LINGO2: variants seen among roughly 807,000 people sequenced by gnomAD.
LINGO2 encodes the protein leucine-rich repeat and immunoglobulin-like domain-containing nogo receptor-interacting protein 2.
LINGO2 carries 14 observed loss-of-function variants against 30.6 expected under a neutral mutation model. The ratio of observed to expected loss-of-function variants is 0.46; its 90% confidence interval spans 0.30 to 0.72. The LOEUF is 0.72. LINGO2 is among the 30% of genes least tolerant of loss of function. The pLI is 0.07. For missense variants in LINGO2, 729 were observed against 751.7 expected, an observed-to-expected ratio of 0.97 and a Z score of 0.35; for synonymous variants, 317 against 288.5, an observed-to-expected ratio of 1.10 and a Z score of -1.00.
the LINGO2 span, among the ~76,000 whole-genome samples, chr9:28,997,357 T>C: frequency 1.3e-5 from 2 of 152,204 alleles, no homozygotes; most frequent in African/African-American, 4.8e-5. Context: ...TTACTTTGTG[T>C]CAACCACTGG....
chr9:29,175,774 C>T, the LINGO2 span, among the ~76,000 whole-genome samples: 2 of 152,026 alleles, frequency 1.3e-5, no homozygotes, highest in Non-Finnish European at 2.9e-5. Flanking sequence ...ATCCACCCAC[C>T]TCAGCCTCCC....
the LINGO2 span, among the ~76,000 whole-genome samples, chr9:28,942,748 G>GT: frequency 6.6e-6 from 1 of 152,070 alleles, no homozygotes; most frequent in African/African-American, 2.4e-5. Flanking sequence ...TTCTGTTTTT[G>GT]TTTTTGTATT....
chr9:28,291,797 C>T (rs1823740237), intron 4 of LINGO2, among the ~76,000 whole-genome samples: 1 of 151,990 alleles, frequency 6.6e-6, no homozygotes, highest in Admixed American at 6.6e-5. Flanking sequence ...AAAATGATGG[C>T]AGAATTTCCA....
At chr9:28,099,187 C>T (rs1179724368) in intron 4 of LINGO2, among the ~76,000 whole-genome samples, 7 of 151,982 alleles carry the variant, frequency 4.6e-5, no homozygotes, top group African/African-American at 1.7e-4. Flanking sequence ...TGGTATCTTT[C>T]ATCTGTACCT....
At chr9:28,250,933 G>A (rs1436369395) in intron 4 of LINGO2, among the ~76,000 whole-genome samples, 1 of 151,868 alleles carries the variant, frequency 6.6e-6, no homozygotes, top group Non-Finnish European at 1.5e-5. Context: ...CACCCCAGCA[G>A]TCACAAGACG....
intron 3 of LINGO2, among the ~76,000 whole-genome samples, chr9:28,368,227 C>A (rs117564153): frequency 6.6e-6 from 1 of 152,008 alleles, no homozygotes; most frequent in South Asian, 2.1e-4. Flanking sequence ...CAATTCTCCC[C>A]TCTGTTTATA....
At chr9:28,358,276 G>A (rs1820308870) in intron 3 of LINGO2, among the ~76,000 whole-genome samples, 1 of 152,064 alleles carries the variant, frequency 6.6e-6, no homozygotes, top group Non-Finnish European at 1.5e-5. Context: ...AGCCCACGAA[G>A]TTAAGTTACA....
At chr9:28,953,743 GA>G in the LINGO2 span, among the ~76,000 whole-genome samples, 5 of 151,972 alleles carry the variant, frequency 3.3e-5, no homozygotes, top group Non-Finnish European at 7.4e-5. Flanking sequence ...AGTTATTGTA[GA>G]ATACTTCTTT....
chr9:28,744,609 C>CGTGTGTGTGTGTGTGT, the LINGO2 span, among the ~76,000 whole-genome samples: 2,340 of 133,940 alleles, frequency 0.017, 55 homozygotes, highest in African/African-American at 0.033. Flanking sequence ...ATATTCCCCT[C>CGTGTGTGTGTGTGTGT]GTGTGTGTGT....
chr9:28,013,359 G>C (rs937341440), intron 4 of LINGO2, among the ~76,000 whole-genome samples: 2 of 152,156 alleles, frequency 1.3e-5, no homozygotes, highest in Non-Finnish European at 2.9e-5. Context: ...AATAGGAATA[G>C]TGTGAGAAAG....
At chr9:29,146,595 T>G in the LINGO2 span, among the ~76,000 whole-genome samples, 2 of 152,204 alleles carry the variant, frequency 1.3e-5, no homozygotes, top group Non-Finnish European at 2.9e-5. Context: ...AAGAAACTAC[T>G]GAGTTTTTAA....
chr9:28,651,107 C>T (rs1828082797), intron 1 of LINGO2, among the ~76,000 whole-genome samples: 1 of 151,566 alleles, frequency 6.6e-6, no homozygotes, highest in African/African-American at 2.4e-5. Flanking sequence ...TGGCATGAAC[C>T]CGGAGGCAGA....
intron 4 of LINGO2, among the ~76,000 whole-genome samples, chr9:28,197,907 G>GT (rs1410326540): frequency 1.3e-5 from 2 of 151,910 alleles, no homozygotes; most frequent in Non-Finnish European, 2.9e-5. Flanking sequence ...TAAGAGAAAT[G>GT]TAAGTTACAA....
chr9:28,712,344 TGCTG>T, the LINGO2 span, among the ~76,000 whole-genome samples: 1 of 152,088 alleles, frequency 6.6e-6, no homozygotes, highest in Non-Finnish European at 1.5e-5. Flanking sequence ...AAACAGCATA[TGCTG>T]AAGTTTCACC....
At chr9:28,506,587 G>C (rs1820149094) in intron 1 of LINGO2, among the ~76,000 whole-genome samples, 1 of 130,662 alleles carries the variant, frequency 7.7e-6, no homozygotes, top group African/African-American at 2.8e-5. Flanking sequence ...TAATCATCAT[G>C]ATCTACTTCT....
At chr9:28,151,184 C>G (rs1328172184) in intron 4 of LINGO2, among the ~76,000 whole-genome samples, 1 of 151,994 alleles carries the variant, frequency 6.6e-6, no homozygotes, top group East Asian at 1.9e-4. Flanking sequence ...CATATTATGA[C>G]CAAGAGTGGT....
At chr9:28,842,344 A>G in the LINGO2 span, among the ~76,000 whole-genome samples, 1 of 151,910 alleles carries the variant, frequency 6.6e-6, no homozygotes, top group Admixed American at 6.5e-5. Context: ...GTAAGTTTGT[A>G]ACACTAAGTT....
intron 1 of LINGO2, among the ~76,000 whole-genome samples, chr9:28,573,598 C>T (rs892338990): frequency 6.6e-6 from 1 of 152,036 alleles, no homozygotes; most frequent in African/African-American, 2.4e-5. Context: ...ATGTCATAGG[C>T]CTTATACTTT....
At chr9:28,685,976 G>A in the LINGO2 span, among the ~76,000 whole-genome samples, 1 of 127,518 alleles carries the variant, frequency 7.8e-6, no homozygotes, top group African/African-American at 3.2e-5. Context: ...TAACATATAT[G>A]ATGTGTGTGT....
Sources: allele counts gnomAD v4.1 joint callset (sites outside exome capture counted in the v4.1 genomes callset), GRCh38; gene constraint gnomAD v4.1.1; transcripts MANE v1.5; gene names NCBI Gene and HGNC (gene_info 2026-07-23, HGNC 2026-07-21).